The following FBLN5 variants were observed in gnomAD, a reference collection of about 807,000 sequenced individuals.
FBLN5 encodes the protein fibulin-5.
FBLN5 carries 24 observed loss-of-function variants against 61.6 expected under a neutral mutation model. The ratio of observed to expected loss-of-function variants is 0.39; its 90% CI spans 0.28 to 0.55. The LOEUF (loss-of-function observed/expected upper bound fraction) is 0.55, where lower values mean the gene tolerates loss of function less well. Ranked by LOEUF, FBLN5 falls within the 20% of genes least tolerant of loss-of-function variation. The pLI, the probability that FBLN5 is intolerant of heterozygous loss-of-function variation, is 0.65. For missense variants in FBLN5, 470 were observed against 594.1 expected (o/e 0.79, Z 2.17); for synonymous variants, 213 against 219.8 (o/e 0.97, Z 0.27).
At chr14:91,905,701 TC>T (rs1890655834) in intron 4 of FBLN5, among the ~76,000 whole-genome samples, 1 of 150,136 alleles carries the variant, frequency 6.7e-6, no homozygotes, top group East Asian at 2.0e-4. Flanking sequence ...TGCCTCAGCC[TC>T]CCGAGTAGCT....
Position 91,884,689 on chromosome 14 carries a change from G to A in FBLN5, c.740-1613C>T, listed in dbSNP as rs184229360. Among the ~76,000 whole-genome samples, 117 of 152,354 alleles carry A rather than the reference G, an allele frequency of 7.7e-4. 1 individual carries two copies. The highest frequency in any genetic ancestry group is 2.7e-3 in the African/African-American group (112 of 41,586). On this transcript the variant is annotated intron_variant, in intron 7 of 10. Coordinates refer to ENST00000342058, the MANE Select transcript of FBLN5 (RefSeq NM_006329.4). The stretch of plus-strand genomic sequence containing the variant: ...AAACACGACACTGTAACGTCTCCCT[G>A]AGTAACTGTGCTGAGGGATCAGCGG...
intron 3 of FBLN5, among the ~76,000 whole-genome samples, chr14:91,938,167 A>G (rs2056049989): frequency 1.3e-5 from 2 of 152,212 alleles, no homozygotes; most frequent in Admixed American, 1.3e-4. Context: ...AGGAAAAGAC[A>G]AGGCTTAGGC....
intron 10 of FBLN5, among the ~76,000 whole-genome samples, chr14:91,873,122 C>G (rs542988906): frequency 3.9e-5 from 6 of 152,190 alleles, no homozygotes; most frequent in African/African-American, 1.4e-4. Context: ...CCACAAGCAC[C>G]TGGAAGAGCT....
At chr14:91,925,305 C>T (rs2055809640) in intron 4 of FBLN5, among the ~76,000 whole-genome samples, 1 of 152,212 alleles carries the variant, frequency 6.6e-6, no homozygotes, top group South Asian at 2.1e-4. Flanking sequence ...TCCCCTCTGG[C>T]CCGGCTCCGA....
chr14:91,921,793 A>G (rs538062790), intron 4 of FBLN5, among the ~76,000 whole-genome samples: 1 of 152,326 alleles, frequency 6.6e-6, no homozygotes, highest in East Asian at 1.9e-4. Context: ...AGAGTTCCAA[A>G]TAGAAGGAAG....
Position 91,869,758 on chromosome 14 carries a change from G to C in FBLN5, c.*466C>G, listed in dbSNP as rs1888830855. On this transcript the variant is annotated 3_prime_UTR_variant, in exon 11 of 11. Transcript: ENST00000342058. ...GTGGTTTGTTTACATAGCCTTCTCT[G>C]TGTACGCAAAAAGCAAACTAGCTAC... 1 of 231,950 alleles carries C rather than the reference G, an allele frequency of 4.3e-6. No homozygotes were observed. Among genetic ancestry groups the C allele is most frequent in the Non-Finnish European group, 8.7e-6 (1 of 115,546 alleles). The allele number at this position is 231,950 out of a possible 1,614,324, so 14.4% of individuals were successfully genotyped here. A position where few individuals can be genotyped will look rare whatever the true frequency, so the allele number is the denominator to read the frequency against.
Position 91,942,951 on chromosome 14 carries a change from C to T in FBLN5, c.28G>A (p.Val10Ile). 20 of 1,551,454 alleles carry T rather than the reference C, an allele frequency of 1.3e-5. No individual in the cohort carries two copies. Among genetic ancestry groups the T allele is most frequent in the Non-Finnish European group, 1.7e-5 (20 of 1,144,750 alleles). ...GGAAGACAGAGAGCCAGAATGGTAA[C>T]AGTGAGTATCCTGTGGAGGTGAAAA... MPGIKRILTVTILALCLPSP... is the reference protein window; with the variant it reads MPGIKRILTITILALCLPSP... The change falls in exon 2 of 11, where the codon GTT becomes ATT. Residue 10 changes from valine to isoleucine, a missense_variant. Transcript: ENST00000342058.
In FBLN5 at chr14:91,877,415, C is replaced by T; in HGVS notation, c.1185+72G>A. 8 of 1,257,350 alleles carry T rather than the reference C, an allele frequency of 6.4e-6. No individual in the cohort carries two copies. In the South Asian group the frequency reaches 7.2e-5, roughly 11 times the overall value. The allele number at this position is 1,257,350 out of a possible 1,614,324, so 77.9% of individuals were successfully genotyped here. On this transcript the variant is annotated intron_variant, in intron 10 of 10. Coordinates refer to ENST00000342058, the MANE Select transcript of FBLN5 (RefSeq NM_006329.4). ...AGCCCCACTCTTACCTGCTTGCATACAGCACGTTCCTAGGAGAGACAGCAC... is the reference window on the plus strand; with the variant it reads ...AGCCCCACTCTTACCTGCTTGCATATAGCACGTTCCTAGGAGAGACAGCAC...
intron 1 of FBLN5, chr14:91,946,911 C>A: frequency 5.5e-6 from 8 of 1,461,134 alleles, no homozygotes; most frequent in Admixed American, 2.7e-5. Context: ...TCCCTTAAAA[C>A]GACAAAGTTG....
At chr14:91,912,795 G>T in intron 4 of FBLN5, among the ~76,000 whole-genome samples, 1 of 145,750 alleles carries the variant, frequency 6.9e-6, no homozygotes, top group Non-Finnish European at 1.5e-5. Context: ...GGGTGACAGA[G>T]TGAGACTCTG....
At chr14:91,899,538 G>A (rs1414103154) in intron 4 of FBLN5, among the ~76,000 whole-genome samples, 1 of 152,198 alleles carries the variant, frequency 6.6e-6, no homozygotes, top group Non-Finnish European at 1.5e-5. Context: ...CCTCTCCCTT[G>A]AGACATCCAC....
At chr14:91,906,794 G>A (rs1406753877) in intron 4 of FBLN5, among the ~76,000 whole-genome samples, 1 of 152,172 alleles carries the variant, frequency 6.6e-6, no homozygotes, top group Admixed American at 6.5e-5. Context: ...TAAAGGCACA[G>A]TGCCCGAGTC....
chr14:91,947,396 G>A lies in FBLN5; in HGVS notation c.-167C>T. On this transcript the variant is annotated 5_prime_UTR_variant, in exon 1 of 11. Transcript: ENST00000342058. This position sits in a 1 kb window ranked among gnomAD's most constrained non-coding sequence, Gnocchi z 4.3. ...GAGAGGACACGGGGAGAGCGCCGGG[G>A]TCCTCCCAGCCACTGCAGAGCCCTC... The A allele has an allele frequency of 1.3e-6, 1 of 756,854 alleles. No individual in the cohort carries two copies. The highest frequency in any genetic ancestry group is 2.3e-6 in the Non-Finnish European group (1 of 431,516). 46.9% of individuals were successfully genotyped at this position (756,854 alleles called of 1,614,324 possible). A position where few individuals can be genotyped will look rare whatever the true frequency, so the allele number is the denominator to read the frequency against.
At chr14:91,873,225 C>T (rs572156996) in intron 10 of FBLN5, among the ~76,000 whole-genome samples, 8 of 152,244 alleles carry the variant, frequency 5.3e-5, no homozygotes, top group South Asian at 4.2e-4. Context: ...CCTGAGAGCC[C>T]GTGGGCATTA....
intron 4 of FBLN5, among the ~76,000 whole-genome samples, chr14:91,915,310 A>G (rs12890439): frequency 6.6e-6 from 1 of 152,218 alleles, no homozygotes; most frequent in African/African-American, 2.4e-5. Context: ...TATTAAGTAG[A>G]CAAGTTCTTA....
chr14:91,882,836 AC>A lies in FBLN5; in HGVS notation c.862+117del. The A allele has an allele frequency of 8.2e-7, 1 of 1,212,676 alleles. No individual in the cohort carries two copies. The highest frequency in any genetic ancestry group is 1.2e-6 in the Non-Finnish European group (1 of 848,200). The allele number at this position is 1,212,676 out of a possible 1,614,324, so 75.1% of individuals were successfully genotyped here. A position where few individuals can be genotyped will look rare whatever the true frequency, so the allele number is the denominator to read the frequency against. On this transcript the variant is annotated intron_variant, in intron 8 of 10. Transcript: ENST00000342058. This position sits in a 1 kb window ranked among gnomAD's most constrained non-coding sequence, Gnocchi z 4.9. The stretch of plus-strand genomic sequence containing the variant: ...GCCACCAGCACCCACTCACACCCCC[AC>A]CCCTGCCACCTTCCCAAAGCTGCAC...
chr14:91,891,397 A>G, intron 5 of FBLN5, 60 bp from the exon 6 acceptor site: 1 of 1,056,120 alleles, frequency 9.5e-7, no homozygotes, highest in Non-Finnish European at 1.5e-6. Flanking sequence ...TGCCCCCACT[A>G]GCATGGCATG....
chr14:91,928,552 G>A (rs989273249), intron 4 of FBLN5, among the ~76,000 whole-genome samples: 6 of 146,354 alleles, frequency 4.1e-5, no homozygotes, highest in East Asian at 2.0e-4. Context: ...AAGGAGGATC[G>A]CTTGAGCCCA....
intron 6 of FBLN5, among the ~76,000 whole-genome samples, chr14:91,889,562 C>G (rs1889890164): frequency 6.6e-6 from 1 of 152,206 alleles, no homozygotes; most frequent in African/African-American, 2.4e-5. Context: ...CCTTTATTTC[C>G]TCAGTGAAGC....
Sources: allele counts gnomAD v4.1 joint callset (sites outside exome capture counted in the v4.1 genomes callset), GRCh38; gene constraint gnomAD v4.1.1; non-coding constraint Gnocchi (gnomAD v3.1); transcripts MANE v1.5; gene names NCBI Gene and HGNC (gene_info 2026-07-23, HGNC 2026-07-21).